The following ATG5 variants were observed in gnomAD, a reference collection of about 807,000 sequenced individuals.
The protein encoded by ATG5 is autophagy protein 5.
Under a neutral mutation model 36.5 loss-of-function variants are expected in ATG5, and 14 were observed. That is an observed-to-expected ratio of 0.38 (90% CI 0.25 to 0.60). The LOEUF (loss-of-function observed/expected upper bound fraction) is 0.60. Among genes scored for constraint, ATG5 ranks in the 20% least tolerant of loss-of-function variants. The pLI is 0.60. For missense variants in ATG5, 195 were observed against 326.7 expected (o/e 0.60, Z 3.11); for synonymous variants, 95 against 101.5 (o/e 0.94, Z 0.38).
Position 106,219,999 on chromosome 6 carries a change from T to C in ATG5, c.574-17910A>G, listed in dbSNP as rs746571413. On this transcript the variant is annotated intron_variant, in intron 6 of 7. Transcript: ENST00000369076. ...ATAACAGTGGTTCTCTGAACCAATATTGACCCTCCTTTAAATTGATAGCCT... is the reference window on the plus strand; with the variant it reads ...ATAACAGTGGTTCTCTGAACCAATACTGACCCTCCTTTAAATTGATAGCCT... Among the ~76,000 whole-genome samples, 11 of 152,268 alleles carry C rather than the reference T, an allele frequency of 7.2e-5. No individual in the cohort carries two copies. The East Asian group carries it at 7.7e-4, about 11-fold the overall frequency.
intron 5 of ATG5, among the ~76,000 whole-genome samples, chr6:106,264,754 G>C (rs1301594754): frequency 1.3e-5 from 2 of 152,130 alleles, no homozygotes; most frequent in Non-Finnish European, 2.9e-5. Context: ...AGCTTCATAA[G>C]CGAAGGAGAA....
At chr6:106,308,273 G>T in intron 3 of ATG5, 91 bp downstream of exon 3, 1 of 1,142,476 alleles carries the variant, frequency 8.8e-7, no homozygotes, top group Non-Finnish European at 1.2e-6. Context: ...TTCTATCCTC[G>T]CAGGACTTTT....
chr6:106,282,982 G>GGTC (rs1172228012), intron 4 of ATG5, among the ~76,000 whole-genome samples: 1 of 151,922 alleles, frequency 6.6e-6, no homozygotes, highest in East Asian at 1.9e-4. Flanking sequence ...GTAGAGATGA[G>GGTC]GTCTCCCTAT....
intron 3 of ATG5, among the ~76,000 whole-genome samples, chr6:106,298,713 C>T (rs534382555): frequency 7.2e-5 from 11 of 152,132 alleles, no homozygotes; most frequent in Admixed American, 2.0e-4. Context: ...AATTAACATG[C>T]GGTTCAATAC....
chr6:106,282,552 T>C (rs1280833636), intron 4 of ATG5, among the ~76,000 whole-genome samples: 2 of 152,250 alleles, frequency 1.3e-5, no homozygotes, highest in Admixed American at 6.5e-5. Flanking sequence ...GTGCTTACAC[T>C]GAGCAGACAT....
intron 4 of ATG5, among the ~76,000 whole-genome samples, chr6:106,289,062 A>G (rs2114621756): frequency 6.6e-6 from 1 of 152,338 alleles, no homozygotes; most frequent in Non-Finnish European, 1.5e-5. Flanking sequence ...AGTCTGGTTA[A>G]AACATCAACA....
intron 6 of ATG5, among the ~76,000 whole-genome samples, chr6:106,240,918 C>G (rs956651749): frequency 6.6e-6 from 1 of 152,134 alleles, no homozygotes. Context: ...TTTGGGAGGC[C>G]AAAGCAGGCG....
At chr6:106,245,330 T>C (rs954338014) in intron 6 of ATG5, among the ~76,000 whole-genome samples, 2 of 152,208 alleles carry the variant, frequency 1.3e-5, no homozygotes, top group African/African-American at 4.8e-5. Flanking sequence ...GTCACAGGTA[T>C]TCTAGGCTCC....
chr6:106,286,836 C>T (rs1018260759), intron 4 of ATG5, among the ~76,000 whole-genome samples: 5 of 152,156 alleles, frequency 3.3e-5, no homozygotes, highest in African/African-American at 1.2e-4. Flanking sequence ...AATCCTACAA[C>T]CATAGGATAT....
chr6:106,210,101 A>G (rs1776799296), intron 6 of ATG5, among the ~76,000 whole-genome samples: 1 of 152,196 alleles, frequency 6.6e-6, no homozygotes, highest in South Asian at 2.1e-4. Flanking sequence ...CTTGAAGGCC[A>G]TAACAAAATT....
chr6:106,233,186 T>C (rs990443837), intron 6 of ATG5, among the ~76,000 whole-genome samples: 2 of 152,280 alleles, frequency 1.3e-5, no homozygotes, highest in African/African-American at 4.8e-5. Flanking sequence ...GTTAAATACT[T>C]AGGGCTAAAA....
chr6:106,208,563 A>C (rs985760778), intron 6 of ATG5, among the ~76,000 whole-genome samples: 1 of 152,214 alleles, frequency 6.6e-6, no homozygotes, highest in African/African-American at 2.4e-5. Flanking sequence ...GCAAGGAAAA[A>C]AAAAAGGGCA....
At chr6:106,187,740 T>G (rs1370533199) in intron 7 of ATG5, among the ~76,000 whole-genome samples, 1 of 152,112 alleles carries the variant, frequency 6.6e-6, no homozygotes, top group Non-Finnish European at 1.5e-5. Context: ...CTGGGCAAAA[T>G]GAGCTGATGA....
intron 6 of ATG5, among the ~76,000 whole-genome samples, chr6:106,213,718 C>A (rs1019021535): frequency 1.3e-5 from 2 of 152,126 alleles, no homozygotes; most frequent in Admixed American, 6.5e-5. Flanking sequence ...CAACTCCCAA[C>A]AACGTACTGT....
intron 1 of ATG5, 45 bp from the exon 2 acceptor site, chr6:106,316,311 A>T: frequency 4.5e-6 from 3 of 667,864 alleles, no homozygotes; most frequent in Non-Finnish European, 7.2e-6. Flanking sequence ...TGCAACGATG[A>T]ATGAACCTGC....
chr6:106,202,964 C>G (rs1017439208), intron 6 of ATG5, among the ~76,000 whole-genome samples: 2 of 152,006 alleles, frequency 1.3e-5, no homozygotes, highest in East Asian at 3.9e-4. Context: ...GCTCCTGGCC[C>G]CAAAACTTAA....
At chr6:106,241,258 C>T (rs141136456) in intron 6 of ATG5, among the ~76,000 whole-genome samples, 13 of 152,310 alleles carry the variant, frequency 8.5e-5, no homozygotes, top group Admixed American at 5.2e-4. Flanking sequence ...GGATGATAAA[C>T]AAGCACATGA....
At chr6:106,242,178 C>A (rs1778155680) in intron 6 of ATG5, among the ~76,000 whole-genome samples, 1 of 152,046 alleles carries the variant, frequency 6.6e-6, no homozygotes, top group Admixed American at 6.6e-5. Context: ...CAGGGTTTCA[C>A]CATGTTGTCA....
At chr6:106,214,651 C>T (rs976270043) in intron 6 of ATG5, among the ~76,000 whole-genome samples, 6 of 152,096 alleles carry the variant, frequency 3.9e-5, no homozygotes, top group Non-Finnish European at 7.4e-5. Context: ...CTAGACAGTG[C>T]CAAATGTACT....
Sources: gnomAD v4.1 joint callset for allele counts (sites outside exome capture counted in the v4.1 genomes callset) on GRCh38, gnomAD v4.1.1 for gene constraint, MANE v1.5 for transcripts, NCBI Gene and HGNC (gene_info 2026-07-23, HGNC 2026-07-21) for gene names.